ATR: variants seen among roughly 807,000 people sequenced by gnomAD.
ATR encodes serine/threonine-protein kinase ATR.
ATR carries 142 observed loss-of-function variants against 305.3 expected under a neutral mutation model. That is an observed-to-expected ratio of 0.47 (90% CI 0.41 to 0.53). The LOEUF is 0.53. Ranked by LOEUF, ATR falls within the 20% of genes least tolerant of loss-of-function variation. The pLI is 0.00. For missense variants in ATR, 2,135 were observed against 3,133.1 expected, an observed-to-expected ratio of 0.68 and a Z score of 7.60; for synonymous variants, 1,050 against 1,068.1, an observed-to-expected ratio of 0.98 and a Z score of 0.33.
Position 142,499,716 on chromosome 3 carries a change from G to A in ATR, c.5291C>T (p.Ser1764Phe). 1 of 1,613,798 alleles carries A rather than the reference G, an allele frequency of 6.2e-7. No individual in the cohort carries two copies. Among genetic ancestry groups the A allele is most frequent in the Non-Finnish European group, 8.5e-7 (1 of 1,179,832 alleles). Reference sequence around the variant, plus strand: ...CGTGTTTAATTCATCTGTCCACTCGGACCTATTAAAAGAAACCCATATCAA... The same window carrying A: ...CGTGTTTAATTCATCTGTCCACTCGAACCTATTAAAAGAAACCCATATCAA... ...TQVNGVHANR[S>F]EWTDELNTYR... is the part of the protein sequence containing the mutation. The change falls in exon 31 of 47, where the codon TCC becomes TTC. Residue 1764 changes from serine (S) to phenylalanine (F), a missense_variant and splice_region_variant. By Grantham distance (155) the Ser-to-Phe change is radical. Transcript: ENST00000350721.
At chr3:142,563,438 A>G (rs1030875233) in intron 3 of ATR, among the ~76,000 whole-genome samples, 2 of 152,188 alleles carry the variant, frequency 1.3e-5, no homozygotes, top group African/African-American at 4.8e-5. Flanking sequence ...CATTTTCATT[A>G]TTATCGTATC....
chr3:142,542,590 T>C, intron 17 of ATR, 75 bp downstream of exon 17: 1 of 1,275,702 alleles, frequency 7.8e-7, no homozygotes, highest in Non-Finnish European at 1.1e-6. Flanking sequence ...TCTTTGAATG[T>C]TTGTAGCTAG....
rs917049816 is a variant in ATR at position 142,469,574 on chromosome 3, G to A, written c.6320-5C>T. On this transcript the variant is annotated splice_polypyrimidine_tract_variant and splice_region_variant and intron_variant, in intron 37 of 46. Transcript: ENST00000350721. ...GTACACGATCGGAGCGGCCAGCTGGGGGAAGAAATAAGTTTAAAAAACAAT... is the reference window on the plus strand; with the variant it reads ...GTACACGATCGGAGCGGCCAGCTGGAGGAAGAAATAAGTTTAAAAAACAAT... 3.1e-6 allele frequency: 5 copies of A among 1,602,982 alleles called. No individual in the cohort carries two copies. Among genetic ancestry groups the A allele is most frequent in the Non-Finnish European group, 4.3e-6 (5 of 1,170,258 alleles).
Position 142,465,187 on chromosome 3 carries a change from T to C in ATR, c.6951A>G (p.Ser2317=), listed in dbSNP as rs764336037. The C allele has an allele frequency of 2.5e-6, 4 of 1,610,110 alleles. No individual in the cohort carries two copies. The highest frequency in any genetic ancestry group is 3.4e-6 in the Non-Finnish European group (4 of 1,177,080). The change falls in exon 41 of 47, where the codon TCA becomes TCG. Residue 2317 remains serine, a synonymous_variant. Coordinates refer to ENST00000350721, the MANE Select transcript of ATR (RefSeq NM_001184.4). ...QKPKKISLKG[S]DGKFYIMMCK... ...ACATCATGATGTAGAACTTTCCATC[T>C]GAGCCTTTTAAAGAAATCTTCTTTG...
At chr3:142,549,334 A>T in intron 15 of ATR, 145 bp downstream of exon 15, 1 of 574,648 alleles carries the variant, frequency 1.7e-6, no homozygotes, top group Non-Finnish European at 2.8e-6. Flanking sequence ...CTCAGGACAA[A>T]GATTATTTAA....
At chr3:142,526,933 C>T (rs1177031596) in intron 21 of ATR, among the ~76,000 whole-genome samples, 3 of 151,940 alleles carry the variant, frequency 2.0e-5, no homozygotes, top group African/African-American at 7.2e-5. Flanking sequence ...GGACTTTAGG[C>T]ATGTGCCACC....
chr3:142,530,052 G>A (rs1392710564), intron 21 of ATR, among the ~76,000 whole-genome samples: 1 of 151,976 alleles, frequency 6.6e-6, no homozygotes, highest in Non-Finnish European at 1.5e-5. Flanking sequence ...TTATTTGCAG[G>A]TGAAATCTTT....
chr3:142,512,470 C>A lies in ATR; in HGVS notation c.4642G>T (p.Val1548Phe), dbSNP rs2108372716. 6.3e-7 allele frequency: 1 copy of A among 1,593,740 alleles called. No homozygotes were observed. Among genetic ancestry groups the A allele is most frequent in the Non-Finnish European group, 8.6e-7 (1 of 1,162,880 alleles). Reference protein sequence around the residue: ...LGCNQEDQQEVYAEIMAVLKH... With the variant: ...LGCNQEDQQEFYAEIMAVLKH... Reference sequence around the variant, plus strand: ...AGAACTGCCATAATTTCTGCATAAACCTATGAGAATCATTTATAATTAATA... The same window carrying A: ...AGAACTGCCATAATTTCTGCATAAAACTATGAGAATCATTTATAATTAATA... The change falls in exon 27 of 47, where the codon GTT (valine) becomes TTT (phenylalanine). Residue 1548 changes from valine to phenylalanine, a missense_variant and splice_region_variant. Transcript: ENST00000350721.
chr3:142,522,849 AG>A lies in ATR; in HGVS notation c.4153-9del. 1.3e-6 allele frequency: 2 copies of A among 1,583,208 alleles called. No individual in the cohort carries two copies. The highest frequency in any genetic ancestry group is 8.7e-7 in the Non-Finnish European group (1 of 1,152,890). On this transcript the variant is annotated splice_polypyrimidine_tract_variant and intron_variant, in intron 22 of 46. Coordinates refer to ENST00000350721, the MANE Select transcript of ATR (RefSeq NM_001184.4). ...TGAATCTTCTACTCCAGTCTCAATC[AG>A]AAAAAAAAAAAAGAAAATTCCAGGA...
chr3:142,454,647 T>G (rs1000963551), intron 45 of ATR, among the ~76,000 whole-genome samples: 80 of 151,912 alleles, frequency 5.3e-4, no homozygotes, highest in Non-Finnish European at 9.4e-4. Flanking sequence ...TTCACCGTGT[T>G]AGCCAGGATG....
intron 3 of ATR, among the ~76,000 whole-genome samples, chr3:142,564,389 T>C (rs1169303953): frequency 6.6e-6 from 1 of 152,218 alleles, no homozygotes; most frequent in African/African-American, 2.4e-5. Flanking sequence ...ACCTCTGTAA[T>C]TTCATGTATA....
chr3:142,489,433 G>T (rs1379144409), intron 35 of ATR, among the ~76,000 whole-genome samples: 2 of 152,050 alleles, frequency 1.3e-5, no homozygotes, highest in African/African-American at 2.4e-5. Context: ...CCTAACTCTC[G>T]AAAGTTCTTA....
chr3:142,545,447 T>C (rs894189974), intron 16 of ATR, among the ~76,000 whole-genome samples: 1 of 151,934 alleles, frequency 6.6e-6, no homozygotes, highest in African/African-American at 2.4e-5. Context: ...GGAAACCATG[T>C]TGAAATATAG....
intron 35 of ATR, among the ~76,000 whole-genome samples, chr3:142,492,853 T>C (rs1197069402): frequency 6.6e-6 from 1 of 152,110 alleles, no homozygotes; most frequent in Non-Finnish European, 1.5e-5. Context: ...GCTGAAAAAT[T>C]TTCAGGCTAG....
chr3:142,566,754 T>C (rs1455781028), intron 2 of ATR, among the ~76,000 whole-genome samples: 1 of 152,018 alleles, frequency 6.6e-6, no homozygotes, highest in Non-Finnish European at 1.5e-5. Flanking sequence ...ACAGTCTTTT[T>C]TTTTTTTGAG....
intron 8 of ATR, 80 bp from the exon 9 acceptor site, chr3:142,556,655 G>A: frequency 1.5e-6 from 2 of 1,316,300 alleles, no homozygotes; most frequent in Non-Finnish European, 2.1e-6. Context: ...TATAAGTAAA[G>A]TAACATTTGT....
intron 10 of ATR, among the ~76,000 whole-genome samples, chr3:142,554,289 C>T (rs1196774316): frequency 1.3e-5 from 2 of 151,872 alleles, no homozygotes; most frequent in South Asian, 2.1e-4. Context: ...GGCATGATCA[C>T]GGCTCACTGC....
chr3:142,513,334 A>G (rs1458873975), intron 26 of ATR, among the ~76,000 whole-genome samples, 167 bp downstream of exon 26: 2 of 152,352 alleles, frequency 1.3e-5, no homozygotes, highest in East Asian at 3.9e-4. Context: ...TAGAACGTCT[A>G]TCAATTAAAG....
At position 142,465,321 on chromosome 3, in the gene ATR, T is replaced by TA. The variant is rs78538255; in HGVS notation, c.6898-82dup. On this transcript the variant is annotated intron_variant, in intron 40 of 46. Coordinates refer to ENST00000350721, the MANE Select transcript of ATR (RefSeq NM_001184.4). ...TATATATTATAAACCTTGAGTTATG[T>TA]AAAAAAAAAAAAAGAATATTACCAG... The TA allele has an allele frequency of 0.049, 40,122 of 818,146 alleles. 8 individuals are homozygous for TA. The highest frequency in any genetic ancestry group is 0.059 in the East Asian group (1,744 of 29,348). 50.7% of individuals were successfully genotyped at this position (818,146 alleles called of 1,614,324 possible). A position where few individuals can be genotyped will look rare whatever the true frequency, so the allele number is the denominator to read the frequency against.
Sources: gnomAD v4.1 joint callset for allele counts (sites outside exome capture counted in the v4.1 genomes callset) on GRCh38, gnomAD v4.1.1 for gene constraint, MANE v1.5 for transcripts, NCBI Gene and HGNC (gene_info 2026-07-23, HGNC 2026-07-21) for gene names.